Variants in BSCL2 observed in about 807,000 individuals in gnomAD.
The protein encoded by BSCL2 is seipin.
BSCL2 carries 41 observed loss-of-function variants against 57.4 expected under a neutral mutation model. That is an observed-to-expected ratio of 0.71 (90% confidence interval 0.56 to 0.93). The LOEUF (loss-of-function observed/expected upper bound fraction) is 0.93, where lower values mean the gene tolerates loss of function less well. Ranked by LOEUF, BSCL2 falls within the 40% of genes least tolerant of loss-of-function variation. The pLI is 0.00. For missense variants in BSCL2, 539 were observed against 586.7 expected (o/e 0.92, Z 0.84); for synonymous variants, 237 against 227.3 (o/e 1.04, Z -0.38).
chr11:62,708,268 GCT>G, upstream of BSCL2: 1 of 1,433,414 alleles, frequency 7.0e-7, no homozygotes, highest in Non-Finnish European at 9.9e-7. Flanking sequence ...CTGAGACTGT[GCT>G]CTGAGAGGTC....
At chr11:62,701,548 GAAA>G (rs1945638753) in intron 3 of BSCL2, among the ~76,000 whole-genome samples, 1 of 152,084 alleles carries the variant, frequency 6.6e-6, no homozygotes, top group Non-Finnish European at 1.5e-5. Context: ...TACTGAACGT[GAAA>G]AACAGGCTGG....
chr11:62,697,034 A>G (rs1945489856), intron 3 of BSCL2, among the ~76,000 whole-genome samples: 1 of 151,308 alleles, frequency 6.6e-6, no homozygotes, highest in Non-Finnish European at 1.5e-5. Flanking sequence ...TGAGACCCCA[A>G]TTCAAAAAAA....
intron 1 of BSCL2, 25 bp downstream of exon 1, chr11:62,707,084 T>C: frequency 1.3e-6 from 2 of 1,545,774 alleles, no homozygotes; most frequent in Middle Eastern, 1.7e-4. Flanking sequence ...ATATTTCTGC[T>C]GACTGTCCCC....
chr11:62,701,326 T>C (rs1384060436), intron 3 of BSCL2, among the ~76,000 whole-genome samples: 2 of 152,158 alleles, frequency 1.3e-5, no homozygotes, highest in Non-Finnish European at 2.9e-5. Flanking sequence ...GGGGTTACAT[T>C]CCGATAAACC....
chr11:62,702,386 C>G, intron 3 of BSCL2, 82 bp downstream of exon 3: 16 of 1,271,130 alleles, frequency 1.3e-5, no homozygotes, highest in Non-Finnish European at 1.7e-5. Context: ...TACTCAATTC[C>G]TTCTCTCTAG....
intron 7 of BSCL2, 54 bp downstream of exon 7, chr11:62,691,226 C>A (rs1945300910): frequency 6.2e-7 from 1 of 1,613,970 alleles, no homozygotes; most frequent in African/African-American, 1.3e-5. Context: ...CCAACATACC[C>A]CTGACCACCC....
chr11:62,690,773 T>C lies in BSCL2; in HGVS notation c.1153+14A>G, dbSNP rs2134689807. 1 of 1,613,726 alleles carries C rather than the reference T, an allele frequency of 6.2e-7. No homozygotes were observed. The highest frequency in any genetic ancestry group is 8.5e-7 in the Non-Finnish European group (1 of 1,180,020). Reference sequence around the variant, plus strand: ...AGGAGTCAGGAAGGAGAGAGTGTGGTGGCTGCGCCATACCTGTCCCTGAGG... The same window carrying C: ...AGGAGTCAGGAAGGAGAGAGTGTGGCGGCTGCGCCATACCTGTCCCTGAGG... On this transcript the variant is annotated intron_variant, in intron 9 of 10. Transcript: ENST00000360796.
chr11:62,708,630 C>A, upstream of BSCL2: 4 of 1,606,406 alleles, frequency 2.5e-6, no homozygotes, highest in Non-Finnish European at 2.6e-6. Flanking sequence ...AGGCTGCAGT[C>A]CCCTTCAGAG....
rs1470014562 is a variant in BSCL2, at chr11:62,707,380, AAGG to A, written c.-188_-186del. The A allele has an allele frequency of 4.2e-6, 3 of 716,042 alleles. No homozygotes were observed. The highest frequency in any genetic ancestry group is 1.7e-5 in the African/African-American group (1 of 57,422). 44.4% of individuals were successfully genotyped at this position (716,042 alleles called of 1,614,324 possible). ...GTGCTGTGTCAGAGTAGAGGGAGGA[AAGG>A]AGGAGGGGGGCGACTGCCCAGCTGA... On this transcript the variant is annotated 5_prime_UTR_variant, in exon 1 of 11. Transcript: ENST00000360796.
intron 4 of BSCL2, among the ~76,000 whole-genome samples, chr11:62,694,347 C>T (rs1945391866): frequency 1.3e-5 from 2 of 149,402 alleles, no homozygotes; most frequent in Admixed American, 1.3e-4. Context: ...GGGACTACAG[C>T]CGTGAGCCAC....
intron 2 of BSCL2, among the ~76,000 whole-genome samples, chr11:62,702,958 C>T (rs1286163026): frequency 6.6e-6 from 1 of 152,034 alleles, no homozygotes; most frequent in African/African-American, 2.4e-5. Context: ...TAAGACCAGC[C>T]TGACCAACAT....
intron 4 of BSCL2, among the ~76,000 whole-genome samples, chr11:62,693,791 T>C (rs1389410913): frequency 6.6e-6 from 1 of 151,802 alleles, no homozygotes; most frequent in African/African-American, 2.4e-5. Context: ...TTGGCAAAGG[T>C]TTCTGGTTTT....
chr11:62,708,189 C>A, upstream of BSCL2: 1 of 789,844 alleles, frequency 1.3e-6, no homozygotes, highest in Non-Finnish European at 2.3e-6. Context: ...AGGAGGGGAA[C>A]AAAATATTGG....
chr11:62,696,724 A>T (rs1893761), intron 3 of BSCL2, among the ~76,000 whole-genome samples: 2 of 151,766 alleles, frequency 1.3e-5, no homozygotes, highest in Admixed American at 1.3e-4. Context: ...CACCCAGCTA[A>T]TTTTTTATTT....
chr11:62,707,427 G>A (rs112081021), upstream of BSCL2: 50 of 699,330 alleles, frequency 7.1e-5, no homozygotes, highest in South Asian at 5.7e-4. Context: ...TTTCAAATGA[G>A]CAGGGTCCCC....
chr11:62,707,477 C>A (rs946116769), upstream of BSCL2: 3 of 664,932 alleles, frequency 4.5e-6, no homozygotes, highest in Admixed American at 2.2e-5. Context: ...CCGTCATAGG[C>A]CCAGACCACG....
intron 2 of BSCL2, among the ~76,000 whole-genome samples, chr11:62,705,032 A>G (rs1323033149): frequency 6.6e-6 from 1 of 152,020 alleles, no homozygotes; most frequent in Non-Finnish European, 1.5e-5. Flanking sequence ...TGATCCAACC[A>G]AAATAGAATT....
At position 62,703,421 on chromosome 11, in the gene BSCL2, G is replaced by A. The variant is rs145952385; in HGVS notation, c.405-872C>T. ...GGCTGGAGTGCAGTGGCACGATCTC[G>A]GCTCACTGCAAGCTCCGCTTCCCAG... On this transcript the variant is annotated intron_variant, in intron 2 of 10. Coordinates refer to ENST00000360796, the MANE Select transcript of BSCL2 (RefSeq NM_001122955.4). Among the ~76,000 whole-genome samples the A allele has an allele frequency of 5.2e-3, 758 of 146,028 alleles. 42 individuals carry two copies. The East Asian group carries it at 0.13, about 24-fold the overall frequency.
chr11:62,691,481 C>T lies in BSCL2; in HGVS notation c.864-60G>A. ...AGTTACCAGAGAGCACCAGCCTTCTCATGTCCCAGAAATAATTTCTAGGGC... is the reference window on the plus strand; with the variant it reads ...AGTTACCAGAGAGCACCAGCCTTCTTATGTCCCAGAAATAATTTCTAGGGC... On this transcript the variant is annotated intron_variant, in intron 6 of 10. Transcript: ENST00000360796. 5 of 1,584,416 alleles carry T rather than the reference C, an allele frequency of 3.2e-6. No individual in the cohort carries two copies. The Admixed American group carries it at 5.0e-5, about 16-fold the overall frequency.
Sources: gnomAD v4.1 joint callset for allele counts (sites outside exome capture counted in the v4.1 genomes callset) on GRCh38, gnomAD v4.1.1 for gene constraint, MANE v1.5 for transcripts, NCBI Gene and HGNC (gene_info 2026-07-23, HGNC 2026-07-21) for gene names.